Variants in ZBTB20 observed in about 807,000 individuals in gnomAD.
ZBTB20 encodes the protein zinc finger and BTB domain containing 20.
In ZBTB20, 9 loss-of-function variants were observed where a neutral mutation model predicts 56.9. The ratio of observed to expected loss-of-function variants is 0.16; its 90% CI spans 0.10 to 0.28. ZBTB20 has a LOEUF of 0.28. Ranked by LOEUF, ZBTB20 falls within the 10% of genes least tolerant of loss-of-function variation. The probability of loss-of-function intolerance (pLI) is 1.00; values close to 1 mark genes in which losing one functional copy is unlikely to be tolerated. For missense variants in ZBTB20, 655 were observed against 1,003.0 expected (o/e 0.65, Z 4.69); for synonymous variants, 417 against 420.7 (o/e 0.99, Z 0.11).
chr3:114,564,395 T>C (rs2052472258), intron 6 of ZBTB20, among the ~76,000 whole-genome samples: 1 of 152,072 alleles, frequency 6.6e-6, no homozygotes, highest in Non-Finnish European at 1.5e-5. Context: ...GAGACCGAAA[T>C]ATTCTAGGTA....
intron 1 of ZBTB20, among the ~76,000 whole-genome samples, chr3:115,098,424 A>G (rs1304336062): frequency 6.6e-6 from 1 of 152,202 alleles, no homozygotes; most frequent in Non-Finnish European, 1.5e-5. Flanking sequence ...GAAATGGCAT[A>G]AAGTATATAT....
At chr3:114,757,666 T>C (rs577664720) in intron 5 of ZBTB20, among the ~76,000 whole-genome samples, 2 of 152,106 alleles carry the variant, frequency 1.3e-5, no homozygotes, top group African/African-American at 2.4e-5. Context: ...CTTTAAAAAA[T>C]ATATTTTCTA....
chr3:114,486,119 AGT>A (rs150394898), intron 7 of ZBTB20, among the ~76,000 whole-genome samples: 800 of 26,704 alleles, frequency 0.03, 64 homozygotes, highest in Non-Finnish European at 0.046. Context: ...GGTCAGTAAG[AGT>A]GTGTGTGTGT....
At chr3:115,050,699 C>T (rs1477684832) in intron 2 of ZBTB20, among the ~76,000 whole-genome samples, 2 of 151,984 alleles carry the variant, frequency 1.3e-5, no homozygotes, top group East Asian at 3.9e-4. Context: ...GCATAACTGG[C>T]ATGTAAACTT....
intron 1 of ZBTB20, among the ~76,000 whole-genome samples, chr3:115,117,520 T>A (rs1387434131): frequency 6.6e-6 from 1 of 152,164 alleles, no homozygotes; most frequent in Non-Finnish European, 1.5e-5. Context: ...TGCCTAGGTA[T>A]TATTAAAAAA....
chr3:114,495,539 C>T lies in ZBTB20; in HGVS notation c.-255+4813G>A, dbSNP rs1034661786. 6.6e-5 allele frequency among the ~76,000 whole-genome samples: 10 copies of T among 152,064 alleles called. No individual in the cohort carries two copies. The East Asian group carries it at 7.7e-4, about 12-fold the overall frequency. ...TTAAATCTGTCTTGTGCTGTGTTTTCGCCTTAGTAATACTTTATTTCTCTT... is the reference window on the plus strand; with the variant it reads ...TTAAATCTGTCTTGTGCTGTGTTTTTGCCTTAGTAATACTTTATTTCTCTT... On this transcript the variant is annotated intron_variant, in intron 7 of 11. Transcript: ENST00000675478.
chr3:114,499,752 C>T (rs1472385577), intron 7 of ZBTB20, among the ~76,000 whole-genome samples: 1 of 151,808 alleles, frequency 6.6e-6, no homozygotes, highest in South Asian at 2.1e-4. Flanking sequence ...CCCCCGAATA[C>T]CTTTCCATCT....
At position 114,339,244 on chromosome 3, in the gene ZBTB20, C is replaced by T. The variant is rs2079583876; in HGVS notation, c.1987G>A (p.Glu663Lys). 3 of 1,614,210 alleles carry T rather than the reference C, an allele frequency of 1.9e-6. No individual in the cohort carries two copies. The highest frequency in any genetic ancestry group is 1.1e-5 in the South Asian group (1 of 91,092). The part of the protein sequence containing the change: ...MRLHRGEKSY[E>K]CYICKKKFSH... Reference sequence around the variant, plus strand: ...AACTTCTTTTTGCAGATGTAGCACTCGTAGGACTTCTCTCCCCGGTGGAGG... The same window carrying T: ...AACTTCTTTTTGCAGATGTAGCACTTGTAGGACTTCTCTCCCCGGTGGAGG... Residue 663 changes from glutamate to lysine, a missense_variant, in exon 12 of 12, where the codon GAG (glutamate) becomes AAG (lysine). Around this residue, in one of 10 missense-constraint regions of ZBTB20, gnomAD observed 15 missense variants for 35.8 expected, o/e 0.42. Coordinates refer to ENST00000675478, the MANE Select transcript of ZBTB20 (RefSeq NM_001348800.3). This position sits in a 1 kb window ranked among gnomAD's most constrained non-coding sequence, Gnocchi z 4.2.
At chr3:114,977,156 A>G (rs1165098092) in intron 2 of ZBTB20, among the ~76,000 whole-genome samples, 1 of 152,236 alleles carries the variant, frequency 6.6e-6, no homozygotes, top group East Asian at 1.9e-4. Context: ...GTCTGACTCC[A>G]TCAGATTAAC....
intron 7 of ZBTB20, among the ~76,000 whole-genome samples, chr3:114,464,050 C>G (rs2092438436): frequency 6.6e-6 from 1 of 152,168 alleles, no homozygotes; most frequent in Admixed American, 6.5e-5. Flanking sequence ...CTTAACTAGA[C>G]TATATGCTCC....
At chr3:114,831,620 CATT>C (rs954759448) in intron 4 of ZBTB20, among the ~76,000 whole-genome samples, 3 of 151,972 alleles carry the variant, frequency 2.0e-5, no homozygotes, top group Non-Finnish European at 4.4e-5. Flanking sequence ...AAATGTTTGT[CATT>C]ATTATTGATG....
rs376629043 is a variant in ZBTB20 at position 114,481,265 on chromosome 3, T to TAAAA, written c.-255+19083_-255+19086dup. 6.3e-4 allele frequency among the ~76,000 whole-genome samples: 93 copies of TAAAA among 146,480 alleles called. 2 individuals carry two copies. The South Asian group carries it at 0.016, about 24-fold the overall frequency. On this transcript the variant is annotated intron_variant, in intron 7 of 11. Coordinates refer to ENST00000675478, the MANE Select transcript of ZBTB20 (RefSeq NM_001348800.3). ...CCATCGAATCTACAAAAGGATACAT[T>TAAAA]AAAAAAAAAAAAAACCTCATTTCCT...
chr3:115,103,302 T>A (rs890044257), intron 1 of ZBTB20, among the ~76,000 whole-genome samples: 1 of 152,182 alleles, frequency 6.6e-6, no homozygotes, highest in African/African-American at 2.4e-5. Flanking sequence ...TTCAATTCAA[T>A]CCCAATCAAA....
chr3:114,619,269 A>G (rs888373713), intron 6 of ZBTB20, among the ~76,000 whole-genome samples: 1 of 152,206 alleles, frequency 6.6e-6, no homozygotes, highest in Non-Finnish European at 1.5e-5. Flanking sequence ...TTAATTATCC[A>G]TTATGTGAAT....
chr3:114,950,178 T>C (rs1414323461), intron 3 of ZBTB20, among the ~76,000 whole-genome samples: 1 of 152,166 alleles, frequency 6.6e-6, no homozygotes, highest in African/African-American at 2.4e-5. Context: ...TCCACCTCCC[T>C]TAGTGAATAC....
chr3:114,856,601 A>AATT (rs1340474560), intron 4 of ZBTB20, among the ~76,000 whole-genome samples: 6 of 152,184 alleles, frequency 3.9e-5, no homozygotes, highest in African/African-American at 1.4e-4. Context: ...CACCCTAATG[A>AATT]ATTATTGTGT....
At chr3:114,699,760 C>T (rs2063281363) in intron 5 of ZBTB20, among the ~76,000 whole-genome samples, 1 of 152,036 alleles carries the variant, frequency 6.6e-6, no homozygotes. Flanking sequence ...GGCAATATGT[C>T]AACAAGATCA....
At chr3:114,441,228 T>C (rs901414900) in intron 7 of ZBTB20, among the ~76,000 whole-genome samples, 2 of 152,162 alleles carry the variant, frequency 1.3e-5, no homozygotes, top group African/African-American at 4.8e-5. Context: ...GACAAGTATA[T>C]AATGAATTTT....
intron 7 of ZBTB20, among the ~76,000 whole-genome samples, chr3:114,492,945 T>C (rs1159682365): frequency 6.6e-6 from 1 of 152,234 alleles, no homozygotes; most frequent in Non-Finnish European, 1.5e-5. Context: ...CATACACTCA[T>C]GAATACTACC....
Sources: allele counts gnomAD v4.1 joint callset (sites outside exome capture counted in the v4.1 genomes callset), GRCh38; gene constraint gnomAD v4.1.1; regional missense constraint gnomAD v4.1.1; non-coding constraint Gnocchi (gnomAD v3.1); transcripts MANE v1.5; gene names NCBI Gene and HGNC (gene_info 2026-07-23, HGNC 2026-07-21).